Variants in PPP1R12B observed in about 807,000 individuals in gnomAD.
The protein encoded by PPP1R12B is protein phosphatase 1 regulatory subunit 12B.
A neutral mutation model predicts 126.1 loss-of-function variants in PPP1R12B; 76 were observed. That is an observed-to-expected ratio of 0.60 (90% confidence interval 0.50 to 0.73). PPP1R12B has a LOEUF of 0.73. PPP1R12B is among the 30% of genes least tolerant of loss of function. The pLI, the probability that PPP1R12B is intolerant of heterozygous loss-of-function variation, is 0.00. For missense variants in PPP1R12B, 1,052 were observed against 1,205.1 expected (o/e 0.87, Z 1.88); for synonymous variants, 356 against 434.7 (o/e 0.82, Z 2.25).
intron 9 of PPP1R12B, 55 bp downstream of exon 9, chr1:202,434,823 A>G (rs1371435364): frequency 6.3e-7 from 1 of 1,594,828 alleles, no homozygotes; most frequent in Non-Finnish European, 8.5e-7. Context: ...GCAGTAGCAC[A>G]CATCTAGAAA....
chr1:202,355,018 G>A (rs771801112), intron 1 of PPP1R12B, among the ~76,000 whole-genome samples: 41 of 151,960 alleles, frequency 2.7e-4, no homozygotes, highest in African/African-American at 9.2e-4. Flanking sequence ...TAGTAGAGAC[G>A]GGGTTTTGGG....
chr1:202,406,767 G>A (rs1666653744), intron 1 of PPP1R12B, among the ~76,000 whole-genome samples: 1 of 152,068 alleles, frequency 6.6e-6, no homozygotes, highest in Non-Finnish European at 1.5e-5. Context: ...GTCTGTAAAG[G>A]TGTATCATTC....
chr1:202,438,332 G>T (rs547236915), intron 10 of PPP1R12B: 9 of 1,236,674 alleles, frequency 7.3e-6, no homozygotes, highest in Non-Finnish European at 1.0e-5. Context: ...TATGGCGGAG[G>T]GGGGCACAGG....
chr1:202,519,777 G>C (rs1310400077), intron 18 of PPP1R12B, among the ~76,000 whole-genome samples: 1 of 151,978 alleles, frequency 6.6e-6, no homozygotes, highest in African/African-American at 2.4e-5. Context: ...CATATATCTG[G>C]TCAGTTTGAT....
At chr1:202,375,306 C>A (rs983456040) in intron 1 of PPP1R12B, among the ~76,000 whole-genome samples, 1 of 152,198 alleles carries the variant, frequency 6.6e-6, no homozygotes, top group African/African-American at 2.4e-5. Context: ...TTCTTAAAAT[C>A]TTTCAGTGGT....
chr1:202,473,198 CA>C (rs1363575866), intron 13 of PPP1R12B, among the ~76,000 whole-genome samples: 4 of 152,158 alleles, frequency 2.6e-5, no homozygotes, highest in African/African-American at 9.7e-5. Context: ...GACACATGAG[CA>C]TTTGAATGCA....
chr1:202,426,778 G>A (rs530618655), intron 4 of PPP1R12B, among the ~76,000 whole-genome samples: 26 of 152,116 alleles, frequency 1.7e-4, no homozygotes, highest in Admixed American at 5.2e-4. Flanking sequence ...ATACGTTTCC[G>A]TATACTCCCC....
intron 1 of PPP1R12B, among the ~76,000 whole-genome samples, chr1:202,381,984 T>C (rs1258072795): frequency 6.6e-6 from 1 of 152,148 alleles, no homozygotes; most frequent in African/African-American, 2.4e-5. Flanking sequence ...GTATGTTTAT[T>C]GCAGCACTAT....
chr1:202,514,315 GATGCTAC>G (rs1424429392), intron 18 of PPP1R12B, among the ~76,000 whole-genome samples: 2 of 151,938 alleles, frequency 1.3e-5, no homozygotes, highest in African/African-American at 4.8e-5. Flanking sequence ...GTTTCTTATA[GATGCTAC>G]ATATTATACC....
chr1:202,532,069 G>C (rs1684014784), intron 18 of PPP1R12B, among the ~76,000 whole-genome samples: 1 of 152,188 alleles, frequency 6.6e-6, no homozygotes, highest in Non-Finnish European at 1.5e-5. Context: ...GATTATTCAT[G>C]AGTTTTCCAG....
intron 1 of PPP1R12B, among the ~76,000 whole-genome samples, chr1:202,363,482 T>C (rs1222071070): frequency 2.0e-5 from 3 of 152,204 alleles, no homozygotes; most frequent in East Asian, 3.8e-4. Context: ...ACATGTGCAT[T>C]CTTTAATTTA....
chr1:202,372,681 GAGGACC>G (rs1660493565), intron 1 of PPP1R12B, among the ~76,000 whole-genome samples: 1 of 152,042 alleles, frequency 6.6e-6, no homozygotes, highest in Non-Finnish European at 1.5e-5. Context: ...GCTGAGGTAG[GAGGACC>G]ACTTGGGCCT....
chr1:202,479,075 C>T (rs192348526), intron 13 of PPP1R12B, among the ~76,000 whole-genome samples: 16 of 152,302 alleles, frequency 1.1e-4, no homozygotes, highest in African/African-American at 3.1e-4. Context: ...TCACCAATTC[C>T]AGTATCTGGA....
chr1:202,502,013 G>C (rs536480783), intron 18 of PPP1R12B: 2 of 984,800 alleles, frequency 2.0e-6, no homozygotes, highest in South Asian at 4.7e-5. Flanking sequence ...TAGGTGGGTA[G>C]TTATGTATGT....
intron 13 of PPP1R12B, among the ~76,000 whole-genome samples, chr1:202,453,120 C>T (rs1673215252): frequency 1.3e-5 from 2 of 152,134 alleles, no homozygotes; most frequent in Non-Finnish European, 2.9e-5. Context: ...GTGGGTTTGT[C>T]ATATATGGCT....
intron 23 of PPP1R12B, among the ~76,000 whole-genome samples, chr1:202,572,693 T>C (rs765518363): frequency 6.6e-6 from 1 of 152,178 alleles, no homozygotes; most frequent in African/African-American, 2.4e-5. Flanking sequence ...ATCAGCCTCC[T>C]TGTCAGACCT....
intron 12 of PPP1R12B, among the ~76,000 whole-genome samples, chr1:202,444,631 A>G (rs1169223862): frequency 2.0e-5 from 3 of 152,114 alleles, no homozygotes; most frequent in Non-Finnish European, 4.4e-5. Flanking sequence ...TCAGGTAGAC[A>G]TTTGGGGTTG....
chr1:202,522,184 C>T (rs1273809299), intron 18 of PPP1R12B, among the ~76,000 whole-genome samples: 5 of 151,976 alleles, frequency 3.3e-5, no homozygotes, highest in Non-Finnish European at 5.9e-5. Context: ...GATAAAAGAA[C>T]TAAAGGATGT....
rs186649829 is a variant in PPP1R12B at position 202,532,174 on chromosome 1, C to T, written c.2491-26703C>T. On this transcript the variant is annotated intron_variant, in intron 18 of 23. Transcript: ENST00000608999. ...TGTTGCCATGACATTTGTAAACTGT[C>T]GTGTCACTGGTGGGAGTGTCTCTTA... Among the ~76,000 whole-genome samples the T allele has an allele frequency of 2.8e-3, 427 of 152,254 alleles. 1 individual carries two copies. Among genetic ancestry groups the T allele is most frequent in the African/African-American group, 0.01 (416 of 41,544 alleles).
Sources: gnomAD v4.1 joint callset for allele counts (sites outside exome capture counted in the v4.1 genomes callset) on GRCh38, gnomAD v4.1.1 for gene constraint, MANE v1.5 for transcripts, NCBI Gene and HGNC (gene_info 2026-07-23, HGNC 2026-07-21) for gene names.